Variants in BCAS3 observed in about 807,000 individuals in gnomAD.
BCAS3 encodes the protein BCAS3 microtubule associated cell migration factor, also known as BCAS4/BCAS3 fusion.
In BCAS3, 53 loss-of-function variants were observed where a neutral mutation model predicts 116.1. The ratio of observed to expected loss-of-function variants is 0.46; its 90% CI spans 0.37 to 0.57. The LOEUF (loss-of-function observed/expected upper bound fraction) is 0.57, where lower values mean the gene tolerates loss of function less well. BCAS3 is among the 20% of genes least tolerant of loss of function. The pLI is 0.00. For synonymous variants in BCAS3, 391 were observed against 408.2 expected, an observed-to-expected ratio of 0.96 and a Z score of 0.51; for missense variants, 917 against 1,165.4, an observed-to-expected ratio of 0.79 and a Z score of 3.10.
intron 22 of BCAS3, among the ~76,000 whole-genome samples, chr17:61,330,479 C>G (rs2056180243): frequency 6.6e-6 from 1 of 152,230 alleles, no homozygotes; most frequent in Non-Finnish European, 1.5e-5. Flanking sequence ...CCCCCAAATG[C>G]AGGCCTTCAT....
At chr17:61,216,932 TTCATATAGGTAGTCAATC>T (rs1280056151) in intron 22 of BCAS3, among the ~76,000 whole-genome samples, 4 of 152,104 alleles carry the variant, frequency 2.6e-5, no homozygotes, top group Non-Finnish European at 4.4e-5. Context: ...TCTAAATACC[TTCATATAGGTAGTCAATC>T]TGCAAAGTTG....
chr17:60,855,053 G>A lies in BCAS3; in HGVS notation c.477-13523G>A, dbSNP rs1365329255. 1.6e-4 allele frequency among the ~76,000 whole-genome samples: 23 copies of A among 141,288 alleles called. 1 individual carries two copies. The South Asian group carries it at 5.4e-3, about 33-fold the overall frequency. 92.7% of individuals were successfully genotyped at this position (141,288 alleles called of 152,430 possible). ...CAACCTCTGCCTCCCAGGTTCAAGC[G>A]ATTCTCCTGCCTCAGCCTCCTGAGT... On this transcript the variant is annotated intron_variant, in intron 7 of 23. Transcript: ENST00000407086.
In BCAS3 at chr17:61,041,895, C is replaced by T. The variant is rs903104109; in HGVS notation, c.2029+1003C>T. 6.6e-6 allele frequency among the ~76,000 whole-genome samples: 1 copy of T among 151,930 alleles called. No homozygotes were observed. The highest frequency in any genetic ancestry group is 2.4e-5 in the African/African-American group (1 of 41,412). ...AGTGCCTACTATGTGTGAGGCAGTT[C>T]TGATTTAAAGGTGATTAGTATATTG... On this transcript the variant is annotated intron_variant, in intron 19 of 23. Coordinates refer to ENST00000407086, the MANE Select transcript of BCAS3 (RefSeq NM_017679.5). This position sits in a 1 kb window ranked among gnomAD's most constrained non-coding sequence, Gnocchi z 4.7.
At chr17:61,206,829 A>T (rs1169292109) in intron 22 of BCAS3, among the ~76,000 whole-genome samples, 1 of 126,212 alleles carries the variant, frequency 7.9e-6, no homozygotes, top group African/African-American at 3.0e-5. Flanking sequence ...AAAAAAAAAA[A>T]TTGTGAAGGG....
chr17:60,966,095 TC>T (rs1276346338), intron 14 of BCAS3, among the ~76,000 whole-genome samples: 8 of 152,244 alleles, frequency 5.3e-5, no homozygotes, highest in African/African-American at 1.7e-4. Flanking sequence ...TCTCTGTCTC[TC>T]TTTATAATCT....
intron 13 of BCAS3, among the ~76,000 whole-genome samples, chr17:60,936,381 G>A (rs2059927335): frequency 6.6e-6 from 1 of 151,916 alleles, no homozygotes; most frequent in Non-Finnish European, 1.5e-5. Flanking sequence ...CCTAGTAATG[G>A]GATTGCAGGG....
At position 61,315,600 on chromosome 17, in the gene BCAS3, G is replaced by T. The variant is rs1602624144; in HGVS notation, c.2426-52727G>T. Among the ~76,000 whole-genome samples the T allele has an allele frequency of 6.6e-6, 1 of 152,192 alleles. No individual in the cohort carries two copies. The highest frequency in any genetic ancestry group is 1.9e-4 in the East Asian group (1 of 5,184). ...GTATGGGCCAGTGAACCCCAATGAT[G>T]CTGGGGTGCCTCTTCCTGTCCCCAA... On this transcript the variant is annotated intron_variant, in intron 22 of 23. Coordinates refer to ENST00000407086, the MANE Select transcript of BCAS3 (RefSeq NM_017679.5). The surrounding 1 kb of genome is among the most constrained non-coding windows in gnomAD (Gnocchi z 5.3).
At position 61,349,048 on chromosome 17, in the gene BCAS3, G is replaced by A. The variant is rs1049989240; in HGVS notation, c.2426-19279G>A. Among the ~76,000 whole-genome samples, 12 of 151,492 alleles carry A rather than the reference G, an allele frequency of 7.9e-5. No individual in the cohort carries two copies. The highest frequency in any genetic ancestry group is 1.2e-4 in the African/African-American group (5 of 41,210). On this transcript the variant is annotated intron_variant, in intron 22 of 23. Transcript: ENST00000407086. The surrounding 1 kb of genome is among the most constrained non-coding windows in gnomAD (Gnocchi z 4.7). Reference sequence around the variant, plus strand: ...ATTACAGGCGTGAGCCACCGTGCCCGGCCCTCTTGGGCAGAGATTCTTAAG... The same window carrying A: ...ATTACAGGCGTGAGCCACCGTGCCCAGCCCTCTTGGGCAGAGATTCTTAAG...
rs1047562526 is a variant in BCAS3 at position 61,220,045 on chromosome 17, C to T, written c.2425+135481C>T. Among the ~76,000 whole-genome samples the T allele has an allele frequency of 6.6e-6, 1 of 152,128 alleles. No homozygotes were observed. Among genetic ancestry groups the T allele is most frequent in the Non-Finnish European group, 1.5e-5 (1 of 68,032 alleles). ...GCGCGGTGGCTCACGCCTGTAATCCCAGCACTTTGGGAGGTTGAGGTGGGC... is the reference window on the plus strand; with the variant it reads ...GCGCGGTGGCTCACGCCTGTAATCCTAGCACTTTGGGAGGTTGAGGTGGGC... On this transcript the variant is annotated intron_variant, in intron 22 of 23. Transcript: ENST00000407086. This position sits in a 1 kb window ranked among gnomAD's most constrained non-coding sequence, Gnocchi z 4.5.
At chr17:60,752,569 G>A (rs1223122688) in intron 6 of BCAS3, among the ~76,000 whole-genome samples, 1 of 151,768 alleles carries the variant, frequency 6.6e-6, no homozygotes, top group Non-Finnish European at 1.5e-5. Flanking sequence ...GACTACAGGC[G>A]CCCTCCACCA....
At chr17:60,930,948 T>C (rs938884156) in intron 13 of BCAS3, among the ~76,000 whole-genome samples, 1 of 152,182 alleles carries the variant, frequency 6.6e-6, no homozygotes, top group African/African-American at 2.4e-5. Context: ...GTTGACTGGG[T>C]GGCATACATT....
At chr17:60,692,791 G>A (rs923337208) in intron 4 of BCAS3, among the ~76,000 whole-genome samples, 1 of 25,610 alleles carries the variant, frequency 3.9e-5, no homozygotes. Flanking sequence ...AGCTATTCGG[G>A]AGGCTGAGGA....
At chr17:61,143,379 A>G (rs2077025747) in intron 22 of BCAS3, among the ~76,000 whole-genome samples, 1 of 152,202 alleles carries the variant, frequency 6.6e-6, no homozygotes, top group South Asian at 2.1e-4. Flanking sequence ...GTCCCTGGGG[A>G]AAAAAATAAT....
intron 21 of BCAS3, among the ~76,000 whole-genome samples, chr17:61,078,826 A>T (rs1350740665): frequency 6.6e-6 from 1 of 152,142 alleles, no homozygotes; most frequent in Non-Finnish European, 1.5e-5. Flanking sequence ...TAACTGCTTG[A>T]ATCTGATTAT....
chr17:61,209,836 A>G (rs2081351431), intron 22 of BCAS3, among the ~76,000 whole-genome samples: 1 of 152,206 alleles, frequency 6.6e-6, no homozygotes, highest in Admixed American at 6.5e-5. Flanking sequence ...CGGCCAGCAT[A>G]ATGGCCCTAT....
chr17:61,059,385 C>T (rs1600853489), intron 19 of BCAS3, among the ~76,000 whole-genome samples: 1 of 151,874 alleles, frequency 6.6e-6, no homozygotes, highest in East Asian at 1.9e-4. Context: ...CCTGGCCTCT[C>T]CCCGTCTTTA....
chr17:61,217,108 C>G lies in BCAS3; in HGVS notation c.2425+132544C>G, dbSNP rs182866904. ...CATCCTGGCTAACACGGTGAAACCC[C>G]GTCTCTACTAAAAAAATACAAAAAA... On this transcript the variant is annotated intron_variant, in intron 22 of 23. Coordinates refer to ENST00000407086, the MANE Select transcript of BCAS3 (RefSeq NM_017679.5). The surrounding 1 kb of genome is among the most constrained non-coding windows in gnomAD (Gnocchi z 5.2). Among the ~76,000 whole-genome samples, 1 of 151,332 alleles carries G rather than the reference C, an allele frequency of 6.6e-6. No individual in the cohort carries two copies. Among genetic ancestry groups the G allele is most frequent in the Non-Finnish European group, 1.5e-5 (1 of 67,864 alleles).
intron 7 of BCAS3, among the ~76,000 whole-genome samples, chr17:60,868,343 C>T (rs895223095): frequency 6.6e-6 from 1 of 151,988 alleles, no homozygotes; most frequent in Admixed American, 6.6e-5. Flanking sequence ...CATTTTTCTT[C>T]TGTGTAGTAC....
intron 22 of BCAS3, among the ~76,000 whole-genome samples, chr17:61,338,330 A>C (rs2056878869): frequency 6.6e-6 from 1 of 152,252 alleles, no homozygotes. Flanking sequence ...TATAATAAGC[A>C]AATTCAGCAG....
Sources: gnomAD v4.1 joint callset for allele counts (sites outside exome capture counted in the v4.1 genomes callset) on GRCh38, gnomAD v4.1.1 for gene constraint, Gnocchi (gnomAD v3.1) non-coding constraint, MANE v1.5 for transcripts, NCBI Gene and HGNC (gene_info 2026-07-23, HGNC 2026-07-21) for gene names.